SNTG1: variants seen among roughly 807,000 people sequenced by gnomAD.
SNTG1 encodes the protein gamma-1-syntrophin.
SNTG1 carries 39 observed loss-of-function variants against 74.7 expected under a neutral mutation model. The observed-to-expected ratio is 0.52, with a 90% CI of 0.40 to 0.68. The LOEUF is 0.68. SNTG1 is among the 30% of genes least tolerant of loss of function. The probability of loss-of-function intolerance (pLI) is 0.00; values close to 1 mark genes in which losing one functional copy is unlikely to be tolerated. For synonymous variants in SNTG1, 254 were observed against 217.1 expected (o/e 1.17, Z -1.49); for missense variants, 685 against 609.5 (o/e 1.12, Z -1.30).
intron 2 of SNTG1, among the ~76,000 whole-genome samples, chr8:50,296,691 G>A (rs1243526368): frequency 2.0e-5 from 3 of 152,002 alleles, no homozygotes; most frequent in African/African-American, 7.2e-5. Flanking sequence ...ATGACAAGTT[G>A]ATAAGTGCAG....
intron 12 of SNTG1, among the ~76,000 whole-genome samples, chr8:50,555,492 G>A (rs942717055): frequency 6.6e-6 from 1 of 152,184 alleles, no homozygotes; most frequent in Non-Finnish European, 1.5e-5. Flanking sequence ...TAGGCAGAAA[G>A]AGTAGCTAGG....
At chr8:50,608,617 A>G (rs1382679251) in intron 13 of SNTG1, among the ~76,000 whole-genome samples, 1 of 151,882 alleles carries the variant, frequency 6.6e-6, no homozygotes, top group Non-Finnish European at 1.5e-5. Context: ...TGTTCCAGTC[A>G]GAATAAACTT....
chr8:50,039,349 G>T (rs935708893), intron 1 of SNTG1, among the ~76,000 whole-genome samples: 1 of 150,184 alleles, frequency 6.7e-6, no homozygotes, highest in African/African-American at 2.5e-5. Context: ...CAGCTACTCA[G>T]GAGGCTGAGG....
rs1331673486 is a variant in SNTG1 at position 49,951,464 on chromosome 8, A to T, written c.-103+39233A>T. 2.6e-5 allele frequency among the ~76,000 whole-genome samples: 4 copies of T among 152,108 alleles called. No individual in the cohort carries two copies. The East Asian group carries it at 7.7e-4, about 29-fold the overall frequency. Reference sequence around the variant, plus strand: ...CCCCATCAGATAACCAGGAAATGGCAGTGCTGTTAATGGGAAACCTGATTC... The same window carrying T: ...CCCCATCAGATAACCAGGAAATGGCTGTGCTGTTAATGGGAAACCTGATTC... On this transcript the variant is annotated intron_variant, in intron 1 of 18. Transcript: ENST00000642720.
chr8:49,983,951 G>C (rs1224999969), intron 1 of SNTG1, among the ~76,000 whole-genome samples: 2 of 151,454 alleles, frequency 1.3e-5, no homozygotes, highest in East Asian at 3.8e-4. Flanking sequence ...GGATGTGCCA[G>C]TTCAGTTTAT....
At chr8:50,533,909 T>C (rs182899665) in intron 10 of SNTG1, among the ~76,000 whole-genome samples, 3 of 152,210 alleles carry the variant, frequency 2.0e-5, no homozygotes, top group African/African-American at 7.2e-5. Flanking sequence ...CGTACTCATG[T>C]ATTGGTGATT....
At chr8:50,411,358 G>T (rs1363782534) in intron 4 of SNTG1, among the ~76,000 whole-genome samples, 1 of 150,916 alleles carries the variant, frequency 6.6e-6, no homozygotes, top group African/African-American at 2.4e-5. Context: ...TGAGGCAGGA[G>T]AATGGCATGA....
intron 9 of SNTG1, among the ~76,000 whole-genome samples, chr8:50,503,962 T>A (rs2093985177): frequency 6.6e-6 from 1 of 152,318 alleles, no homozygotes; most frequent in Non-Finnish European, 1.5e-5. Context: ...TACCCATTAG[T>A]TATTTATCCT....
intron 5 of SNTG1, among the ~76,000 whole-genome samples, chr8:50,446,918 A>G (rs1402408363): frequency 6.6e-6 from 1 of 152,220 alleles, no homozygotes; most frequent in Non-Finnish European, 1.5e-5. Flanking sequence ...TTGCTTACAT[A>G]TGCAAATTCA....
In SNTG1 at chr8:50,393,901, C is replaced by T. The variant is rs549860056; in HGVS notation, c.-27-311C>T. Among the ~76,000 whole-genome samples, 6 of 152,204 alleles carry T rather than the reference C, an allele frequency of 3.9e-5. No individual in the cohort carries two copies. In the South Asian group the frequency reaches 8.3e-4, roughly 21 times the overall value. On this transcript the variant is annotated intron_variant, in intron 2 of 18. Coordinates refer to ENST00000642720, the MANE Select transcript of SNTG1 (RefSeq NM_018967.5). Reference sequence around the variant, plus strand: ...TTTCACAATGCATGTTGGGAATGAGCGAGAAGAGGTTGATCTGATGATACA... The same window carrying T: ...TTTCACAATGCATGTTGGGAATGAGTGAGAAGAGGTTGATCTGATGATACA...
intron 2 of SNTG1, among the ~76,000 whole-genome samples, chr8:50,221,629 G>T (rs747013093): frequency 6.6e-6 from 1 of 151,768 alleles, no homozygotes; most frequent in Non-Finnish European, 1.5e-5. Context: ...GTAGAAGATT[G>T]CAGTATATCC....
intron 17 of SNTG1, among the ~76,000 whole-genome samples, chr8:50,729,543 T>TG (rs112111171): frequency 0.022 from 3,306 of 152,254 alleles, 105 homozygotes; most frequent in African/African-American, 0.072. Flanking sequence ...CCTCCAGTGA[T>TG]GGGGGTCTCT....
At chr8:50,728,158 T>C (rs1370161992) in intron 17 of SNTG1, among the ~76,000 whole-genome samples, 4 of 152,204 alleles carry the variant, frequency 2.6e-5, no homozygotes, top group Admixed American at 6.5e-5. Flanking sequence ...GAACTGTGTA[T>C]TGGTCAGTGA....
At chr8:50,522,632 G>A (rs189219716) in intron 9 of SNTG1, among the ~76,000 whole-genome samples, 110 of 136,460 alleles carry the variant, frequency 8.1e-4, no homozygotes, top group African/African-American at 2.9e-3. Flanking sequence ...AGGCTGGAGT[G>A]CAGAGGTGTG....
chr8:49,930,695 C>A (rs1404190551), intron 1 of SNTG1, among the ~76,000 whole-genome samples: 1 of 151,914 alleles, frequency 6.6e-6, no homozygotes, highest in Non-Finnish European at 1.5e-5. Context: ...AAGTCTTTTC[C>A]ACCACAGTAA....
chr8:50,377,349 T>G (rs1365093453), intron 2 of SNTG1, among the ~76,000 whole-genome samples: 2 of 152,218 alleles, frequency 1.3e-5, no homozygotes, highest in African/African-American at 2.4e-5. Context: ...AACAACTTCG[T>G]ACATAATTTC....
In SNTG1 at chr8:49,987,468, CA is replaced by C. The variant is rs1399857483; in HGVS notation, c.-103+75241del. ...TCACAACAACCTCAAAATCTGTTTC[CA>C]AAATCTATTCTTGAAATAGGGCCCA... On this transcript the variant is annotated intron_variant, in intron 1 of 18. Coordinates refer to ENST00000642720, the MANE Select transcript of SNTG1 (RefSeq NM_018967.5). Among the ~76,000 whole-genome samples the C allele has an allele frequency of 2.0e-5, 3 of 152,112 alleles. No individual in the cohort carries two copies. In the East Asian group the frequency reaches 5.8e-4, roughly 29 times the overall value.
At position 50,738,861 on chromosome 8, in the gene SNTG1, C is replaced by T. The variant is rs201241989; in HGVS notation, c.1285-13140C>T. On this transcript the variant is annotated intron_variant, in intron 17 of 18. Transcript: ENST00000642720. ...GTGCTAGGAAAACTGGCTAGCCATA[C>T]GCAGAAAACTGAAACTGGACCCCCT... Among the ~76,000 whole-genome samples the T allele has an allele frequency of 5.4e-4, 82 of 151,492 alleles. 1 individual carries two copies. Among genetic ancestry groups the T allele is most frequent in the South Asian group, 3.5e-3 (17 of 4,810 alleles).
At chr8:50,451,290 G>T (rs1379655953) in intron 8 of SNTG1, among the ~76,000 whole-genome samples, 1 of 152,170 alleles carries the variant, frequency 6.6e-6, no homozygotes, top group Non-Finnish European at 1.5e-5. Context: ...GCATACAGGA[G>T]GATGTGCATA....
Sources: allele counts gnomAD v4.1 joint callset (sites outside exome capture counted in the v4.1 genomes callset), GRCh38; gene constraint gnomAD v4.1.1; transcripts MANE v1.5; gene names NCBI Gene and HGNC (gene_info 2026-07-23, HGNC 2026-07-21).